Variants in CEP152 observed in about 807,000 individuals in gnomAD.
CEP152 encodes centrosomal protein 152.
CEP152 carries 132 observed loss-of-function variants against 188.9 expected under a neutral mutation model. That is an observed-to-expected ratio of 0.70 (90% confidence interval 0.61 to 0.81). The LOEUF is 0.81. CEP152 is among the 30% of genes least tolerant of loss of function. CEP152 has a pLI of 0.00. For synonymous variants in CEP152, 649 were observed against 666.6 expected, an observed-to-expected ratio of 0.97 and a Z score of 0.41; for missense variants, 1,914 against 1,969.8, an observed-to-expected ratio of 0.97 and a Z score of 0.54.
At chr15:48,748,766 G>A (rs1268185710) in intron 21 of CEP152, among the ~76,000 whole-genome samples, 156 bp from the exon 22 acceptor site, 1 of 151,580 alleles carries the variant, frequency 6.6e-6, no homozygotes, top group Non-Finnish European at 1.5e-5. Context: ...AGAGACATGG[G>A]TTTACATATT....
intron 5 of CEP152, 115 bp from the exon 6 acceptor site, chr15:48,796,275 G>T: frequency 2.9e-5 from 27 of 928,050 alleles, no homozygotes; most frequent in Non-Finnish European, 3.8e-5. Context: ...ACAGTTCAAA[G>T]TTGTTTATAT....
downstream of CEP152, among the ~76,000 whole-genome samples, chr15:48,736,926 G>A (rs556961964): frequency 7.2e-5 from 11 of 152,232 alleles, no homozygotes; most frequent in African/African-American, 2.6e-4. Context: ...CTGTTTTAGA[G>A]TTTTTTTCTA....
rs373907642 is a variant in CEP152, at chr15:48,793,362, C to A, written c.791G>T (p.Arg264Leu). ...NLIEKLNESE[R>L]QIRYLNHQLV... The stretch of plus-strand genomic sequence containing the variant: ...CTGGTGATTCAGATATCGAATTTGA[C>A]GTTCACTTTCATTTAACTTTTCAAT... Residue 264 changes from arginine (R) to leucine (L), a missense_variant, in exon 7 of 27, where the codon CGT (arginine) becomes CTT (leucine). Physicochemically the swap from Arg to Leu is moderately radical, Grantham distance 102. Coordinates refer to ENST00000380950, the MANE Select transcript of CEP152 (RefSeq NM_001194998.2). 1 of 1,613,990 alleles carries A rather than the reference C, an allele frequency of 6.2e-7. No individual in the cohort carries two copies. Among genetic ancestry groups the A allele is most frequent in the South Asian group, 1.1e-5 (1 of 91,076 alleles).
chr15:48,744,008 A>G (rs529583243), intron 24 of CEP152, among the ~76,000 whole-genome samples: 3 of 152,368 alleles, frequency 2.0e-5, no homozygotes, highest in Non-Finnish European at 4.4e-5. Flanking sequence ...AAGAAAATCA[A>G]CAATATAAAC....
intron 11 of CEP152, among the ~76,000 whole-genome samples, chr15:48,781,780 C>G (rs1001608707): frequency 2.0e-5 from 3 of 152,118 alleles, no homozygotes; most frequent in Non-Finnish European, 2.9e-5. Context: ...TTTCCTCCCC[C>G]TCCAGTGGAA....
At chr15:48,781,423 T>A in intron 11 of CEP152, 64 bp from the exon 12 acceptor site, 1 of 1,391,698 alleles carries the variant, frequency 7.2e-7, no homozygotes. Flanking sequence ...TCAGTCATTC[T>A]GTTTCAAAAT....
chr15:48,735,643 G>C (rs1486491825), downstream of CEP152, among the ~76,000 whole-genome samples: 1 of 152,178 alleles, frequency 6.6e-6, no homozygotes, highest in Non-Finnish European at 1.5e-5. Flanking sequence ...GCTGAGGCAG[G>C]AGAATTGCTT....
intron 22 of CEP152, among the ~76,000 whole-genome samples, chr15:48,746,402 T>C (rs1893427827): frequency 6.6e-6 from 1 of 152,168 alleles, no homozygotes; most frequent in Non-Finnish European, 1.5e-5. Context: ...CAAATTGTCT[T>C]GGTTTTCATC....
At chr15:48,750,764 T>G (rs999091242) in intron 21 of CEP152, among the ~76,000 whole-genome samples, 1 of 152,198 alleles carries the variant, frequency 6.6e-6, no homozygotes, top group African/African-American at 2.4e-5. Context: ...ATTAAACTAT[T>G]TTTATAATGT....
chr15:48,781,446 T>A, intron 11 of CEP152, 87 bp from the exon 12 acceptor site: 1 of 1,099,076 alleles, frequency 9.1e-7, no homozygotes, highest in South Asian at 1.4e-5. Flanking sequence ...GTTTTAATGA[T>A]CAACAGGAGG....
chr15:48,741,920 A>G (rs1446867878), intron 25 of CEP152, 27 bp downstream of exon 25: 2 of 1,614,208 alleles, frequency 1.2e-6, no homozygotes, highest in Non-Finnish European at 1.7e-6. Context: ...TGGTAATCTC[A>G]GGACACATTG....
intron 18 of CEP152, among the ~76,000 whole-genome samples, chr15:48,761,147 A>C (rs1386184120): frequency 6.6e-6 from 1 of 152,236 alleles, no homozygotes; most frequent in African/African-American, 2.4e-5. Context: ...CAGCACCTTT[A>C]AACTCAACTT....
At chr15:48,798,084 A>T (rs377176726) in intron 2 of CEP152, 33 bp from the exon 3 acceptor site, 8 of 1,570,932 alleles carry the variant, frequency 5.1e-6, no homozygotes, top group African/African-American at 1.4e-5. Flanking sequence ...ATATCATACC[A>T]ACTTAAACAC....
intron 12 of CEP152, among the ~76,000 whole-genome samples, chr15:48,773,783 T>G (rs1377638780): frequency 1.3e-5 from 2 of 152,210 alleles, no homozygotes; most frequent in Non-Finnish European, 2.9e-5. Flanking sequence ...AGGATCAAAC[T>G]GATTCCAAGT....
intron 7 of CEP152, 21 bp downstream of exon 7, chr15:48,793,300 T>C (rs772133454): frequency 3.9e-5 from 63 of 1,613,244 alleles, no homozygotes; most frequent in Non-Finnish European, 5.2e-5. Context: ...ACCTCATAAA[T>C]GACAGCATCC....
intron 18 of CEP152, among the ~76,000 whole-genome samples, chr15:48,761,271 C>A (rs1894662735): frequency 6.6e-6 from 1 of 152,152 alleles, no homozygotes; most frequent in South Asian, 2.1e-4. Flanking sequence ...TATTTCCAGA[C>A]TTTAAAGGTG....
At chr15:48,773,164 C>A (rs532454051) in intron 12 of CEP152, 138 of 157,558 alleles carry the variant, frequency 8.8e-4, no homozygotes, top group Non-Finnish European at 1.2e-3. Flanking sequence ...AAAAATAAAA[C>A]CATGCTAATT....
intron 22 of CEP152, among the ~76,000 whole-genome samples, chr15:48,748,002 G>A (rs1422465955): frequency 1.3e-5 from 2 of 152,090 alleles, no homozygotes; most frequent in African/African-American, 2.4e-5. Context: ...TTAATAAGAG[G>A]TAGAATTAAC....
At chr15:48,785,113 G>T (rs942718352) in intron 9 of CEP152, among the ~76,000 whole-genome samples, 3 of 152,082 alleles carry the variant, frequency 2.0e-5, no homozygotes, top group African/African-American at 7.2e-5. Context: ...TAGAGAAAAG[G>T]CCTTAGGCTT....
Sources: gnomAD v4.1 joint callset for allele counts (sites outside exome capture counted in the v4.1 genomes callset) on GRCh38, gnomAD v4.1.1 for gene constraint, MANE v1.5 for transcripts, NCBI Gene and HGNC (gene_info 2026-07-23, HGNC 2026-07-21) for gene names.